GRM5: variants seen among roughly 807,000 people sequenced by gnomAD.
GRM5 encodes metabotropic glutamate receptor 5.
GRM5 carries 19 observed loss-of-function variants against 83.1 expected under a neutral mutation model. That is an observed-to-expected ratio of 0.23 (90% CI 0.16 to 0.34). GRM5 has a LOEUF of 0.34. GRM5 is among the 10% of genes least tolerant of loss of function. The pLI, the probability that GRM5 is intolerant of heterozygous loss-of-function variation, is 1.00. For missense variants in GRM5, 1,160 were observed against 1,588.3 expected (o/e 0.73, Z 4.58); for synonymous variants, 675 against 633.6 (o/e 1.07, Z -0.98).
chr11:88,539,025 T>A (rs1351697879), intron 8 of GRM5, among the ~76,000 whole-genome samples: 5 of 152,242 alleles, frequency 3.3e-5, no homozygotes, highest in Admixed American at 3.3e-4. Flanking sequence ...ACACTGCCTA[T>A]GCTTTTACTT....
intron 3 of GRM5, among the ~76,000 whole-genome samples, chr11:88,788,298 G>T (rs1006298379): frequency 1.4e-4 from 21 of 152,094 alleles, no homozygotes; most frequent in African/African-American, 5.1e-4. Flanking sequence ...AAACAAAGCA[G>T]ATCAATCATA....
In GRM5 at chr11:88,775,917, T is replaced by G. The variant is rs183023550; in HGVS notation, c.911+73989A>C. ...GTTGCTGAGAAGACTGTGTATTCAG[T>G]TGATTTCGGGTAGAGAGTTCTGTAG... On this transcript the variant is annotated intron_variant, in intron 3 of 9. Coordinates refer to ENST00000305447, the MANE Select transcript of GRM5 (RefSeq NM_001143831.3). Among the ~76,000 whole-genome samples the G allele has an allele frequency of 4.6e-4, 70 of 152,282 alleles. 1 individual carries two copies. Among genetic ancestry groups the G allele is most frequent in the Admixed American group, 4.6e-3 (70 of 15,288 alleles).
chr11:88,740,248 T>C (rs2135415681), intron 3 of GRM5, among the ~76,000 whole-genome samples: 1 of 152,214 alleles, frequency 6.6e-6, no homozygotes, highest in South Asian at 2.1e-4. Flanking sequence ...ATAATTTTTT[T>C]CCATCTTTTT....
intron 8 of GRM5, among the ~76,000 whole-genome samples, chr11:88,562,244 T>G (rs1942774209): frequency 6.6e-6 from 1 of 152,208 alleles, no homozygotes; most frequent in African/African-American, 2.4e-5. Flanking sequence ...TTCACCTTTT[T>G]GACCAAATAA....
rs1195174860 is a variant in GRM5, at chr11:89,021,483, G to C, written c.661+25729C>G. On this transcript the variant is annotated intron_variant, in intron 2 of 9. Coordinates refer to ENST00000305447, the MANE Select transcript of GRM5 (RefSeq NM_001143831.3). ...TATACCAGAATTATTGGGAGAACAG[G>C]TGGTATGTAAGGTTGCAGTATTCAT... Among the ~76,000 whole-genome samples, 9 of 152,248 alleles carry C rather than the reference G, an allele frequency of 5.9e-5. No individual in the cohort carries two copies. The East Asian group carries it at 1.7e-3, about 29-fold the overall frequency.
intron 4 of GRM5, among the ~76,000 whole-genome samples, chr11:88,640,781 TA>T (rs111665841): frequency 0.06 from 9,122 of 152,170 alleles, 273 homozygotes; most frequent in Middle Eastern, 0.071. Context: ...CAGTGAGGTA[TA>T]GGGGGAGGGG....
intron 8 of GRM5, among the ~76,000 whole-genome samples, chr11:88,541,690 T>G (rs113317909): frequency 3.3e-4 from 51 of 152,286 alleles, no homozygotes; most frequent in African/African-American, 1.1e-3. Flanking sequence ...TTCTCAAATT[T>G]TCTTTTCGCA....
intron 2 of GRM5, among the ~76,000 whole-genome samples, chr11:89,018,546 T>TTATC (rs1057277476): frequency 3.9e-5 from 6 of 152,162 alleles, no homozygotes; most frequent in Non-Finnish European, 5.9e-5. Context: ...TCTTGGACAT[T>TTATC]TATCTATCTA....
chr11:88,569,597 G>A (rs1942943602), intron 7 of GRM5, among the ~76,000 whole-genome samples: 1 of 152,144 alleles, frequency 6.6e-6, no homozygotes, highest in African/African-American at 2.4e-5. Flanking sequence ...TTCTTCTTCT[G>A]CTGCCTGGCA....
chr11:88,939,587 A>C (rs1200916045), intron 2 of GRM5, among the ~76,000 whole-genome samples: 1 of 151,900 alleles, frequency 6.6e-6, no homozygotes, highest in Non-Finnish European at 1.5e-5. Context: ...GTACAGCATT[A>C]TCCTAAACCA....
chr11:88,816,884 A>G (rs1943700713), intron 3 of GRM5, among the ~76,000 whole-genome samples: 1 of 152,212 alleles, frequency 6.6e-6, no homozygotes, highest in Admixed American at 6.5e-5. Context: ...AATTTTGACA[A>G]TTTAAATAAA....
At chr11:89,050,459 CT>C (rs199674639) in intron 1 of GRM5, among the ~76,000 whole-genome samples, 7,661 of 152,160 alleles carry the variant, frequency 0.05, 316 homozygotes, top group African/African-American at 0.12. Flanking sequence ...TAAAGGGTAA[CT>C]TTAGCTGAAA....
intron 3 of GRM5, among the ~76,000 whole-genome samples, chr11:88,763,847 A>G (rs1942577083): frequency 6.6e-6 from 1 of 151,724 alleles, no homozygotes; most frequent in African/African-American, 2.4e-5. Flanking sequence ...AGAAAAGAAA[A>G]AGCAAAATGA....
At chr11:88,927,961 A>G (rs1362183381) in intron 2 of GRM5, among the ~76,000 whole-genome samples, 2 of 152,126 alleles carry the variant, frequency 1.3e-5, no homozygotes, top group African/African-American at 4.8e-5. Flanking sequence ...ACTTAACTTC[A>G]GAAGCAGGGC....
intron 8 of GRM5, among the ~76,000 whole-genome samples, chr11:88,559,060 A>T (rs1164158759): frequency 6.6e-6 from 1 of 152,108 alleles, no homozygotes; most frequent in Non-Finnish European, 1.5e-5. Context: ...ATTATACATA[A>T]TAAAAATAAG....
intron 8 of GRM5, among the ~76,000 whole-genome samples, chr11:88,537,951 T>TG (rs1942173389): frequency 1.3e-5 from 2 of 151,806 alleles, no homozygotes; most frequent in South Asian, 4.2e-4. Flanking sequence ...AGCTGAAAAG[T>TG]GGGGAAGCAA....
intron 2 of GRM5, among the ~76,000 whole-genome samples, chr11:88,882,376 C>T (rs1439746312): frequency 1.4e-5 from 2 of 143,710 alleles, no homozygotes; most frequent in South Asian, 2.3e-4. Context: ...ACGGTGAAAC[C>T]CCATCTCTAC....
intron 2 of GRM5, among the ~76,000 whole-genome samples, chr11:88,967,861 G>A (rs983153971): frequency 6.6e-6 from 1 of 152,054 alleles, no homozygotes; most frequent in East Asian, 1.9e-4. Context: ...GACAGACCAA[G>A]AGGAAGGAAA....
intron 2 of GRM5, among the ~76,000 whole-genome samples, chr11:88,989,544 TC>T (rs1416870859): frequency 1.5e-5 from 2 of 135,664 alleles, no homozygotes; most frequent in East Asian, 4.2e-4. Context: ...CCATCCCAAA[TC>T]AACAGAATAT....
Sources: allele counts gnomAD v4.1 joint callset (sites outside exome capture counted in the v4.1 genomes callset), GRCh38; gene constraint gnomAD v4.1.1; transcripts MANE v1.5; gene names NCBI Gene and HGNC (gene_info 2026-07-23, HGNC 2026-07-21).